Variants in ARID5B observed in about 807,000 individuals in gnomAD.
ARID5B encodes AT-rich interaction domain 5B.
Under a neutral mutation model 97.2 loss-of-function variants are expected in ARID5B, and 13 were observed. The ratio of observed to expected loss-of-function variants is 0.13; its 90% CI spans 0.09 to 0.21. The LOEUF (loss-of-function observed/expected upper bound fraction) is 0.21, where lower values mean the gene tolerates loss of function less well. ARID5B is among the 10% of genes least tolerant of loss of function. The pLI is 1.00. For missense variants in ARID5B, 1,210 were observed against 1,465.3 expected, an observed-to-expected ratio of 0.83 and a Z score of 2.84; for synonymous variants, 556 against 570.3, an observed-to-expected ratio of 0.97 and a Z score of 0.36.
At position 61,971,753 on chromosome 10, in the gene ARID5B, G is replaced by A. The variant is rs1838630846; in HGVS notation, c.503-28338G>A. The stretch of plus-strand genomic sequence containing the variant: ...ATGTTTTGTGTGAAGATACTAGCAG[G>A]AAAAAAAGATGTCAGTGGCATGTAA... On this transcript the variant is annotated intron_variant, in intron 3 of 9. Transcript: ENST00000279873. Among the ~76,000 whole-genome samples, 16 of 152,096 alleles carry A rather than the reference G, an allele frequency of 1.1e-4. 1 individual carries two copies. In the South Asian group the frequency reaches 2.9e-3, roughly 28 times the overall value.
intron 2 of ARID5B, among the ~76,000 whole-genome samples, chr10:61,928,062 T>C (rs923027237): frequency 2.0e-5 from 3 of 152,106 alleles, no homozygotes; most frequent in African/African-American, 4.8e-5. Context: ...GTTGCTTCCC[T>C]TCAGGCTGGT....
chr10:61,961,020 G>A (rs1838463468), intron 3 of ARID5B, among the ~76,000 whole-genome samples: 1 of 152,150 alleles, frequency 6.6e-6, no homozygotes, highest in Non-Finnish European at 1.5e-5. Context: ...AGGTGCTTAT[G>A]GACATTTTTC....
intron 3 of ARID5B, among the ~76,000 whole-genome samples, chr10:61,950,101 G>A (rs541171511): frequency 2.0e-5 from 3 of 152,226 alleles, no homozygotes; most frequent in South Asian, 4.1e-4. Context: ...TCTGCCTTCC[G>A]GGTTCAAGTG....
chr10:62,073,262 G>A (rs1840088635), intron 8 of ARID5B, among the ~76,000 whole-genome samples: 1 of 152,186 alleles, frequency 6.6e-6, no homozygotes, highest in South Asian at 2.1e-4. Flanking sequence ...AGAAGTGAGT[G>A]ATCTCTATGC....
chr10:62,088,388 A>G (rs1840320654), intron 9 of ARID5B, among the ~76,000 whole-genome samples: 2 of 152,196 alleles, frequency 1.3e-5, no homozygotes, highest in African/African-American at 2.4e-5. Flanking sequence ...AATATCTCCA[A>G]TTTGGGGATT....
At position 62,091,931 on chromosome 10, in the gene ARID5B, A is replaced by T. The variant is rs1840381796; in HGVS notation, c.2468A>T (p.His823Leu). 1 of 1,613,506 alleles carries T rather than the reference A, an allele frequency of 6.2e-7. No individual in the cohort carries two copies. The highest frequency in any genetic ancestry group is 8.5e-7 in the Non-Finnish European group (1 of 1,179,844). ...LLEKRALPHSHMPSFLADFYS... is the reference protein window; with the variant it reads ...LLEKRALPHSLMPSFLADFYS... Reference sequence around the variant, plus strand: ...GAGAAAAGGGCCCTCCCCCATTCCCACATGCCTAGCTTCCTGGCTGACTTC... The same window carrying T: ...GAGAAAAGGGCCCTCCCCCATTCCCTCATGCCTAGCTTCCTGGCTGACTTC... The change falls in exon 10 of 10, where the codon CAC becomes CTC. Residue 823 changes from histidine (H) to leucine (L), a missense_variant. Physicochemically the swap from His to Leu is moderately conservative, Grantham distance 99. This residue lies in a region of ARID5B where 800 missense variants were observed against 839.1 expected (regional missense o/e 0.95). Transcript: ENST00000279873.
intron 4 of ARID5B, among the ~76,000 whole-genome samples, chr10:62,049,769 T>G (rs1839761090): frequency 6.6e-6 from 1 of 152,182 alleles, no homozygotes; most frequent in African/African-American, 2.4e-5. Context: ...ATGAGTACAG[T>G]GTAAAAATGT....
chr10:61,956,709 A>G (rs148807767), intron 3 of ARID5B, among the ~76,000 whole-genome samples: 1 of 152,282 alleles, frequency 6.6e-6, no homozygotes, highest in African/African-American at 2.4e-5. Flanking sequence ...AGTTGTCCCT[A>G]TCACTCTCAA....
At chr10:62,085,612 C>T (rs764222862) in intron 8 of ARID5B, 90 bp from the exon 9 acceptor site, 1 of 1,045,490 alleles carries the variant, frequency 9.6e-7, no homozygotes, top group Non-Finnish European at 1.4e-6. Context: ...TAATAATTTG[C>T]TTATATTGAG....
intron 3 of ARID5B, among the ~76,000 whole-genome samples, chr10:61,983,289 C>T (rs1326004620): frequency 1.3e-5 from 2 of 152,158 alleles, no homozygotes; most frequent in African/African-American, 2.4e-5. Flanking sequence ...CTTTCCTCCT[C>T]CTCCCATTTA....
At chr10:61,995,035 A>G (rs987640821) in intron 3 of ARID5B, among the ~76,000 whole-genome samples, 5 of 152,160 alleles carry the variant, frequency 3.3e-5, no homozygotes, top group African/African-American at 7.2e-5. Context: ...GTTACTAGCA[A>G]TTTATTACAG....
At chr10:62,083,616 C>A (rs1840244541) in intron 8 of ARID5B, among the ~76,000 whole-genome samples, 1 of 152,200 alleles carries the variant, frequency 6.6e-6, no homozygotes, top group East Asian at 1.9e-4. Context: ...GTGGTACCAG[C>A]AAATTGCTAT....
chr10:61,977,065 T>C (rs1209209095), intron 3 of ARID5B, among the ~76,000 whole-genome samples: 1 of 152,170 alleles, frequency 6.6e-6, no homozygotes, highest in East Asian at 1.9e-4. Flanking sequence ...TGTGTCCAAG[T>C]GTTCTCATTG....
In ARID5B at chr10:61,948,380, A is replaced by ATTTTTTTTTTTT. The variant is rs71470784; in HGVS notation, c.502+7981_502+7992dup. On this transcript the variant is annotated intron_variant, in intron 3 of 9. Coordinates refer to ENST00000279873, the MANE Select transcript of ARID5B (RefSeq NM_032199.3). ...CTTATCTTAGGATACACTTTAGGTA[A>ATTTTTTTTTTTT]TTTTTTTTTTTTTTTTTTTTGAGAT... Among the ~76,000 whole-genome samples the ATTTTTTTTTTTT allele has an allele frequency of 1.2e-3, 105 of 86,190 alleles. 5 individuals are homozygous for ATTTTTTTTTTTT. The highest frequency in any genetic ancestry group is 7.6e-3 in the Middle Eastern group (1 of 132). 56.5% of individuals were successfully genotyped at this position (86,190 alleles called of 152,430 possible). A position where few individuals can be genotyped will look rare whatever the true frequency, so the allele number is the denominator to read the frequency against.
intron 8 of ARID5B, among the ~76,000 whole-genome samples, chr10:62,080,911 C>A (rs536920684): frequency 1.3e-5 from 2 of 152,088 alleles, no homozygotes; most frequent in East Asian, 3.9e-4. Context: ...CAGCTTCTGC[C>A]ACTGGGGTTC....
intron 3 of ARID5B, among the ~76,000 whole-genome samples, chr10:61,953,009 A>G (rs1264220628): frequency 6.6e-6 from 1 of 150,968 alleles, no homozygotes; most frequent in Non-Finnish European, 1.5e-5. Context: ...CTTTTTTTTT[A>G]TTATTATCGG....
At position 61,954,228 on chromosome 10, in the gene ARID5B, G is replaced by A. The variant is rs568964653; in HGVS notation, c.502+13820G>A. Among the ~76,000 whole-genome samples the A allele has an allele frequency of 3.5e-3, 530 of 151,596 alleles. 1 individual carries two copies. The highest frequency in any genetic ancestry group is 0.013 in the South Asian group (64 of 4,798). On this transcript the variant is annotated intron_variant, in intron 3 of 9. Coordinates refer to ENST00000279873, the MANE Select transcript of ARID5B (RefSeq NM_032199.3). ...CAAAATTAGCCAGGCATGGTGGCGC[G>A]TGCCTGTAATCCCAGCTACTCGGGA...
intron 8 of ARID5B, among the ~76,000 whole-genome samples, chr10:62,074,026 T>C (rs1202481430): frequency 6.6e-6 from 1 of 152,218 alleles, no homozygotes; most frequent in African/African-American, 2.4e-5. Flanking sequence ...TTTAAAGGCT[T>C]TGTTTTCACA....
At chr10:62,033,462 T>G (rs1211584374) in intron 4 of ARID5B, among the ~76,000 whole-genome samples, 1 of 152,218 alleles carries the variant, frequency 6.6e-6, no homozygotes, top group Non-Finnish European at 1.5e-5. Flanking sequence ...TTGGAAGACT[T>G]GTCAGCATAG....
Sources: gnomAD v4.1 joint callset for allele counts (sites outside exome capture counted in the v4.1 genomes callset) on GRCh38, gnomAD v4.1.1 for gene constraint, gnomAD v4.1.1 regional missense constraint, MANE v1.5 for transcripts, NCBI Gene and HGNC (gene_info 2026-07-23, HGNC 2026-07-21) for gene names.